PIK3C2G: variants seen among roughly 807,000 people sequenced by gnomAD.
PIK3C2G encodes the protein phosphatidylinositol 3-kinase C2 domain-containing subunit gamma.
Under a neutral mutation model 181.1 loss-of-function variants are expected in PIK3C2G, and 168 were observed. The ratio of observed to expected loss-of-function variants is 0.93; its 90% CI spans 0.82 to 1.05. The LOEUF (loss-of-function observed/expected upper bound fraction) is 1.05, where lower values mean the gene tolerates loss of function less well. Among genes scored for constraint, PIK3C2G ranks in the 50% least tolerant of loss-of-function variants. The pLI is 0.00. For missense variants in PIK3C2G, 1,869 were observed against 1,732.8 expected, an observed-to-expected ratio of 1.08 and a Z score of -1.40; for synonymous variants, 573 against 592.2, an observed-to-expected ratio of 0.97 and a Z score of 0.47.
chr12:18,252,624 T>G (rs183000878), intron 1 of PIK3C2G, among the ~76,000 whole-genome samples: 1 of 152,272 alleles, frequency 6.6e-6, no homozygotes, highest in East Asian at 1.9e-4. Flanking sequence ...CAAAAGGATA[T>G]GTATAATCTA....
At chr12:18,575,947 A>G (rs185176127) in intron 29 of PIK3C2G, among the ~76,000 whole-genome samples, 14 of 152,262 alleles carry the variant, frequency 9.2e-5, no homozygotes, top group Non-Finnish European at 1.9e-4. Context: ...TTGAAAACCT[A>G]AGGGACTGAA....
At chr12:18,664,552 A>T in the PIK3C2G span, among the ~76,000 whole-genome samples, 1 of 152,156 alleles carries the variant, frequency 6.6e-6, no homozygotes, top group Non-Finnish European at 1.5e-5. Flanking sequence ...TTTATATGAG[A>T]TACTTAAAGT....
chr12:18,665,957 G>T, the PIK3C2G span, among the ~76,000 whole-genome samples: 1 of 151,426 alleles, frequency 6.6e-6, no homozygotes, highest in South Asian at 2.1e-4. Flanking sequence ...AAACTAGTTG[G>T]GCGTGGTGGT....
chr12:18,605,122 A>G (rs1029275557), intron 30 of PIK3C2G, among the ~76,000 whole-genome samples: 1 of 152,170 alleles, frequency 6.6e-6, no homozygotes, highest in African/African-American at 2.4e-5. Context: ...AAATACAAAT[A>G]AAATTGATAG....
At chr12:18,272,366 A>G (rs1340020703) in intron 1 of PIK3C2G, among the ~76,000 whole-genome samples, 1 of 152,154 alleles carries the variant, frequency 6.6e-6, no homozygotes, top group South Asian at 2.1e-4. Flanking sequence ...AGACTTCTTC[A>G]TGGTAGTTTT....
chr12:18,404,809 G>T (rs978189199), intron 16 of PIK3C2G, among the ~76,000 whole-genome samples: 2 of 152,034 alleles, frequency 1.3e-5, no homozygotes, highest in African/African-American at 4.8e-5. Flanking sequence ...TTAAGAACAG[G>T]AGTCATAAAA....
the PIK3C2G span, among the ~76,000 whole-genome samples, chr12:18,718,551 A>ACATGC: frequency 1.3e-5 from 2 of 152,016 alleles, no homozygotes; most frequent in African/African-American, 2.4e-5. Context: ...TCTCATTTAA[A>ACATGC]CATGCCAATC....
At chr12:18,427,071 T>C (rs1398784721) in intron 18 of PIK3C2G, among the ~76,000 whole-genome samples, 1 of 152,130 alleles carries the variant, frequency 6.6e-6, no homozygotes, top group East Asian at 1.9e-4. Context: ...AACTCAATGT[T>C]TAATTCCCTT....
chr12:18,609,704 G>A, intron 31 of PIK3C2G, 75 bp downstream of exon 31: 2 of 812,854 alleles, frequency 2.5e-6, no homozygotes, highest in Non-Finnish European at 4.1e-6. Context: ...GGCAATTAGT[G>A]TCAACATTAG....
At chr12:18,538,439 C>G (rs1176828124) in intron 25 of PIK3C2G, 127 bp downstream of exon 25, 2 of 696,120 alleles carry the variant, frequency 2.9e-6, no homozygotes, top group Non-Finnish European at 4.7e-6. Flanking sequence ...AATGAGAAAA[C>G]TAAGAGTACC....
intron 30 of PIK3C2G, among the ~76,000 whole-genome samples, chr12:18,596,247 T>A (rs184111800): frequency 2.0e-5 from 3 of 152,198 alleles, no homozygotes; most frequent in East Asian, 3.9e-4. Context: ...CATGTGTAAA[T>A]GTTCTGGCAC....
Position 18,505,410 on chromosome 12 carries a change from T to C in PIK3C2G, c.3272T>C (p.Ile1091Thr), listed in dbSNP as rs764493941. The C allele has an allele frequency of 5.0e-6, 8 of 1,613,590 alleles. No individual in the cohort carries two copies. Among genetic ancestry groups the C allele is most frequent in the South Asian group, 3.3e-5 (3 of 90,966 alleles). Residue 1091 changes from isoleucine (I) to threonine (T), a missense_variant, in exon 24 of 33, where the codon ATT becomes ACT. Transcript: ENST00000538779. The stretch of plus-strand genomic sequence containing the variant: ...ACAAAGTCGGGCCACATGTTTCATA[T>C]TGACTTTGGAAAATTCTTAGGTCAT... Reference protein sequence around the residue: ...MLTKSGHMFHIDFGKFLGHAQ... With the variant: ...MLTKSGHMFHTDFGKFLGHAQ...
Position 18,536,388 on chromosome 12 carries a change from C to A in PIK3C2G, c.3324-1768C>A, listed in dbSNP as rs577686107. On this transcript the variant is annotated intron_variant, in intron 24 of 32. Transcript: ENST00000538779. ...GACCCATTTGATTCTCTCAACCATA[C>A]CAAGAGTCAAGTGCTCTTATCTCCA... 5.1e-4 allele frequency among the ~76,000 whole-genome samples: 77 copies of A among 152,172 alleles called. 3 individuals carry two copies. In the South Asian group the frequency reaches 0.014, roughly 28 times the overall value.
upstream of PIK3C2G, among the ~76,000 whole-genome samples, chr12:18,243,408 A>C (rs969794202): frequency 2.6e-5 from 4 of 152,028 alleles, no homozygotes; most frequent in African/African-American, 9.7e-5. Flanking sequence ...TCTGTTAGAG[A>C]TGGCACCATC....
the PIK3C2G span, among the ~76,000 whole-genome samples, chr12:18,666,004 C>T: frequency 3.9e-4 from 59 of 150,814 alleles, no homozygotes; most frequent in African/African-American, 1.3e-3. Flanking sequence ...TGACCAAAGT[C>T]TTCGTATACT....
At chr12:18,623,566 T>G (rs1033726635) in intron 31 of PIK3C2G, among the ~76,000 whole-genome samples, 1 of 151,768 alleles carries the variant, frequency 6.6e-6, no homozygotes, top group Non-Finnish European at 1.5e-5. Context: ...TTTTTCTATA[T>G]CTATGAGAGA....
the PIK3C2G span, among the ~76,000 whole-genome samples, chr12:18,707,180 A>G: frequency 6.6e-6 from 1 of 152,160 alleles, no homozygotes; most frequent in Non-Finnish European, 1.5e-5. Flanking sequence ...ATCTACAAAG[A>G]CACTTTTTCC....
At chr12:18,370,437 G>A (rs1941966139) in intron 12 of PIK3C2G, among the ~76,000 whole-genome samples, 1 of 152,160 alleles carries the variant, frequency 6.6e-6, no homozygotes, top group African/African-American at 2.4e-5. Flanking sequence ...GATTGTATAT[G>A]TGTTACATTT....
intron 3 of PIK3C2G, among the ~76,000 whole-genome samples, chr12:18,287,782 T>G (rs1591832677): frequency 6.6e-6 from 1 of 151,824 alleles, no homozygotes; most frequent in African/African-American, 2.4e-5. Context: ...GACAACTGCT[T>G]GAACCCGGGA....
Sources: gnomAD v4.1 joint callset for allele counts (sites outside exome capture counted in the v4.1 genomes callset) on GRCh38, gnomAD v4.1.1 for gene constraint, MANE v1.5 for transcripts, NCBI Gene and HGNC (gene_info 2026-07-23, HGNC 2026-07-21) for gene names.